SNTG2: variants seen among roughly 807,000 people sequenced by gnomAD.
SNTG2 encodes gamma-2-syntrophin.
Under a neutral mutation model 70.9 loss-of-function variants are expected in SNTG2, and 74 were observed. That is an observed-to-expected ratio of 1.04 (90% confidence interval 0.86 to 1.27). SNTG2 has a LOEUF of 1.27. Among genes scored for constraint, SNTG2 ranks in the 50% most tolerant of loss-of-function variants. The pLI, the probability that SNTG2 is intolerant of heterozygous loss-of-function variation, is 0.00. For missense variants in SNTG2, 717 were observed against 690.7 expected (o/e 1.04, Z -0.43); for synonymous variants, 278 against 273.8 (o/e 1.02, Z -0.15).
intron 1 of SNTG2, among the ~76,000 whole-genome samples, chr2:961,827 C>T (rs114393902): frequency 0.016 from 2,442 of 152,256 alleles, 71 homozygotes; most frequent in African/African-American, 0.055. Flanking sequence ...ATAGAAAACA[C>T]ACTGGTATGC....
At chr2:1,092,878 G>A (rs10460596) in intron 2 of SNTG2, among the ~76,000 whole-genome samples, 52,527 of 152,020 alleles carry the variant, frequency 0.35, 10,211 homozygotes, top group Non-Finnish European at 0.45. Flanking sequence ...TTAATTAAAT[G>A]TCATAACATA....
intron 14 of SNTG2, among the ~76,000 whole-genome samples, chr2:1,298,213 A>G (rs1401477795): frequency 1.3e-5 from 2 of 151,978 alleles, no homozygotes; most frequent in Admixed American, 6.5e-5. Context: ...GCTCACTGCA[A>G]CCTCTGCCTC....
intron 1 of SNTG2, among the ~76,000 whole-genome samples, chr2:1,029,145 A>C (rs1660673221): frequency 1.3e-5 from 2 of 152,152 alleles, no homozygotes; most frequent in Non-Finnish European, 2.9e-5. Flanking sequence ...CGAAAACCCC[A>C]GTTTATTTCT....
chr2:1,362,948 A>G (rs926611207), intron 16 of SNTG2, among the ~76,000 whole-genome samples: 1 of 152,228 alleles, frequency 6.6e-6, no homozygotes, highest in African/African-American at 2.4e-5. Flanking sequence ...GCATTTCAGT[A>G]GAACTTCCAC....
At position 1,247,372 on chromosome 2, in the gene SNTG2, TC is replaced by T; in HGVS notation, c.936del (p.Ser313LeufsTer9). The T allele has an allele frequency of 6.2e-7, 1 of 1,613,976 alleles. No homozygotes were observed. Among genetic ancestry groups the T allele is most frequent in the Non-Finnish European group, 8.5e-7 (1 of 1,179,894 alleles). On this transcript the variant is annotated frameshift_variant, in exon 12 of 17. Transcript: ENST00000308624. LOFTEE classifies it high-confidence loss of function. ...AAATGAGAAACTCCAAGGAGCTGACTCCTCTCAAACCTTCAGACCCAAGTTC... is the reference window on the plus strand; with the variant it reads ...AAATGAGAAACTCCAAGGAGCTGACTCTCTCAAACCTTCAGACCCAAGTTC... ...WVNEKLQGAD[S>X]SQTFRPKFLA...
intron 1 of SNTG2, among the ~76,000 whole-genome samples, chr2:1,002,453 C>T (rs1659427250): frequency 6.6e-6 from 1 of 151,960 alleles, no homozygotes; most frequent in South Asian, 2.1e-4. Context: ...AAGACATGAA[C>T]ATATATTTTT....
chr2:990,108 C>T (rs572124830), intron 1 of SNTG2, among the ~76,000 whole-genome samples: 4 of 152,320 alleles, frequency 2.6e-5, no homozygotes, highest in South Asian at 2.1e-4. Context: ...TTTAAAAATC[C>T]GCTTTTATTG....
In SNTG2 at chr2:1,313,747, C is replaced by A. The variant is rs561133805; in HGVS notation, c.1378-2518C>A. 3.9e-5 allele frequency among the ~76,000 whole-genome samples: 6 copies of A among 152,272 alleles called. No homozygotes were observed. In the East Asian group the frequency reaches 9.7e-4, roughly 25 times the overall value. Reference sequence around the variant, plus strand: ...AAGGGCAGAAAGAGAGTCACGCCTGCGCCCATGGAGCCCCAACTTGTACCT... The same window carrying A: ...AAGGGCAGAAAGAGAGTCACGCCTGAGCCCATGGAGCCCCAACTTGTACCT... On this transcript the variant is annotated intron_variant, in intron 15 of 16. Transcript: ENST00000308624.
At chr2:1,030,462 GA>G (rs1431353482) in intron 1 of SNTG2, among the ~76,000 whole-genome samples, 1 of 152,150 alleles carries the variant, frequency 6.6e-6, no homozygotes, top group African/African-American at 2.4e-5. Context: ...CACACAACAA[GA>G]TGTACTTATT....
chr2:1,157,841 A>G (rs1670005324), intron 6 of SNTG2, among the ~76,000 whole-genome samples: 1 of 152,208 alleles, frequency 6.6e-6, no homozygotes, highest in African/African-American at 2.4e-5. Flanking sequence ...CAGCACCGCA[A>G]TGCTCTGGGA....
intron 9 of SNTG2, among the ~76,000 whole-genome samples, chr2:1,224,956 A>T (rs1473156018): frequency 6.6e-6 from 1 of 152,128 alleles, no homozygotes; most frequent in African/African-American, 2.4e-5. Context: ...GGAAAAATGC[A>T]GTGTTAGGCA....
At chr2:1,073,478 A>G (rs942829085) in intron 1 of SNTG2, among the ~76,000 whole-genome samples, 3 of 152,228 alleles carry the variant, frequency 2.0e-5, no homozygotes, top group African/African-American at 7.2e-5. Flanking sequence ...ACATTGTTTT[A>G]TACGTAATGC....
chr2:1,176,660 A>C (rs1035054843), intron 8 of SNTG2, among the ~76,000 whole-genome samples: 1 of 144,288 alleles, frequency 6.9e-6, no homozygotes, highest in Non-Finnish European at 1.5e-5. Flanking sequence ...GAAAAAAAAA[A>C]ACATTAAATG....
chr2:1,189,633 A>G (rs1440571828), intron 8 of SNTG2, among the ~76,000 whole-genome samples: 1 of 151,350 alleles, frequency 6.6e-6, no homozygotes, highest in Non-Finnish European at 1.5e-5. Context: ...ATCTTGACTC[A>G]CTGCAACCTC....
At chr2:1,098,620 A>AAG (rs1216096990) in intron 4 of SNTG2, among the ~76,000 whole-genome samples, 1 of 152,152 alleles carries the variant, frequency 6.6e-6, no homozygotes, top group East Asian at 1.9e-4. Context: ...TCTGGCCCTT[A>AAG]AGAGAGACAC....
In SNTG2 at chr2:1,221,437, G is replaced by GTCTCTGCCTCTGCCTC. The variant is rs1674810604; in HGVS notation, c.719+12213_719+12214insCCTCTGCCTCTCTCTG. On this transcript the variant is annotated intron_variant, in intron 9 of 16. Transcript: ENST00000308624. ...TCTGGTTTTGTCTCTGTCTCTCTCT[G>GTCTCTGCCTCTGCCTC]TCTCTGTCTCTGTCTCTCTCTGTCT... is the stretch of plus-strand genomic sequence containing the variant. Among the ~76,000 whole-genome samples the GTCTCTGCCTCTGCCTC allele has an allele frequency of 4.7e-5, 4 of 84,954 alleles. 1 individual carries two copies. Among genetic ancestry groups the GTCTCTGCCTCTGCCTC allele is most frequent in the Non-Finnish European group, 9.4e-5 (4 of 42,404 alleles). The allele number at this position is 84,954 out of a possible 152,430, so 55.7% of individuals were successfully genotyped here.
intron 4 of SNTG2, among the ~76,000 whole-genome samples, chr2:1,102,377 G>A (rs1665833953): frequency 6.6e-6 from 1 of 152,198 alleles, no homozygotes. Context: ...CAGGGTGCAG[G>A]AGGGGCTGCC....
intron 9 of SNTG2, among the ~76,000 whole-genome samples, chr2:1,223,620 A>T (rs1160311150): frequency 6.6e-6 from 1 of 152,234 alleles, no homozygotes; most frequent in Non-Finnish European, 1.5e-5. Context: ...AGTTTTCCTG[A>T]TGCTGAAAGG....
At chr2:1,003,693 T>C (rs1659478342) in intron 1 of SNTG2, among the ~76,000 whole-genome samples, 1 of 152,214 alleles carries the variant, frequency 6.6e-6, no homozygotes, top group South Asian at 2.1e-4. Context: ...CCTAAGCAGC[T>C]ATGAGTTTCG....
Sources: allele counts gnomAD v4.1 joint callset (sites outside exome capture counted in the v4.1 genomes callset), GRCh38; gene constraint gnomAD v4.1.1; transcripts MANE v1.5; gene names NCBI Gene and HGNC (gene_info 2026-07-23, HGNC 2026-07-21).